Variants in PCED1B observed in about 807,000 individuals in gnomAD.
PCED1B encodes PC-esterase domain containing 1B.
For missense variants in PCED1B, 573 were observed against 573.9 expected (o/e 1.00, Z 0.02); for synonymous variants, 251 against 246.1 (o/e 1.02, Z -0.19).
At chr12:47,103,310 G>T (rs1938798425) in intron 1 of PCED1B, among the ~76,000 whole-genome samples, 1 of 152,140 alleles carries the variant, frequency 6.6e-6, no homozygotes, top group African/African-American at 2.4e-5. Flanking sequence ...TCTTGGAAGA[G>T]AACAGGGCAA....
chr12:47,114,305 A>G (rs1939327710), intron 2 of PCED1B, among the ~76,000 whole-genome samples: 1 of 152,228 alleles, frequency 6.6e-6, no homozygotes, highest in African/African-American at 2.4e-5. Context: ...GAGCCCACAT[A>G]GAAAGTAAGT....
intron 3 of PCED1B, among the ~76,000 whole-genome samples, chr12:47,228,387 T>G (rs2078851275): frequency 6.6e-6 from 1 of 152,062 alleles, no homozygotes; most frequent in African/African-American, 2.4e-5. Context: ...GAGATTAGGA[T>G]ATGGGATTAT....
At chr12:47,129,936 T>G (rs1940053375) in intron 2 of PCED1B, among the ~76,000 whole-genome samples, 1 of 152,266 alleles carries the variant, frequency 6.6e-6, no homozygotes, top group South Asian at 2.1e-4. Context: ...GCAGTGGTTT[T>G]CAAACTGTGC....
At chr12:47,226,910 G>A (rs910656985) in intron 3 of PCED1B, among the ~76,000 whole-genome samples, 1 of 151,872 alleles carries the variant, frequency 6.6e-6, no homozygotes, top group Non-Finnish European at 1.5e-5. Flanking sequence ...GGATGCTATC[G>A]ACATTTTTTT....
chr12:47,182,259 C>T (rs1942117902), intron 2 of PCED1B, among the ~76,000 whole-genome samples: 2 of 152,146 alleles, frequency 1.3e-5, no homozygotes, highest in South Asian at 4.1e-4. Flanking sequence ...CTGTGAGTCA[C>T]TGTAAGCAAT....
chr12:47,148,978 T>A (rs1419912913), intron 2 of PCED1B, among the ~76,000 whole-genome samples: 2 of 152,212 alleles, frequency 1.3e-5, no homozygotes. Context: ...CATTTTCCAC[T>A]GTCCTCATTC....
At chr12:47,164,869 T>C (rs1260960139) in intron 2 of PCED1B, among the ~76,000 whole-genome samples, 2 of 152,216 alleles carry the variant, frequency 1.3e-5, no homozygotes, top group African/African-American at 4.8e-5. Context: ...ATGTGGCTAG[T>C]TGAGTCACAA....
intron 3 of PCED1B, among the ~76,000 whole-genome samples, chr12:47,230,060 C>T (rs182917926): frequency 7.5e-5 from 11 of 147,142 alleles, no homozygotes; most frequent in African/African-American, 2.8e-4. Flanking sequence ...AGGCGTGAGC[C>T]ACTGCACTCA....
chr12:47,110,871 C>T lies in PCED1B; in HGVS notation c.-526+6676C>T, dbSNP rs754103883. Among the ~76,000 whole-genome samples the T allele has an allele frequency of 1.7e-3, 252 of 152,262 alleles. 1 individual carries two copies. The highest frequency in any genetic ancestry group is 3.4e-3 in the Middle Eastern group (1 of 294). On this transcript the variant is annotated intron_variant, in intron 2 of 3. Coordinates refer to ENST00000546455, the MANE Select transcript of PCED1B (RefSeq NM_138371.3). Reference sequence around the variant, plus strand: ...TGGTCCAACGTGAAGTTTGATGTCCCGCATCACAGTTGCAGGGAAACATGA... The same window carrying T: ...TGGTCCAACGTGAAGTTTGATGTCCTGCATCACAGTTGCAGGGAAACATGA...
chr12:47,194,753 C>T (rs1431354696), intron 2 of PCED1B, among the ~76,000 whole-genome samples: 1 of 152,084 alleles, frequency 6.6e-6, no homozygotes, highest in Admixed American at 6.6e-5. Context: ...AAGAACAGAC[C>T]TTAGATGGCA....
At chr12:47,199,759 A>C (rs2137700662) in intron 2 of PCED1B, among the ~76,000 whole-genome samples, 1 of 152,320 alleles carries the variant, frequency 6.6e-6, no homozygotes, top group South Asian at 2.1e-4. Context: ...AAAATATAAA[A>C]CTGCAAAACT....
chr12:47,135,438 G>A, intron 2 of PCED1B: 1 of 320,624 alleles, frequency 3.1e-6, no homozygotes, highest in Non-Finnish European at 6.3e-6. Context: ...GGAGTGCATG[G>A]GAGACAGGTT....
rs191225221 is a variant in PCED1B at position 47,168,655 on chromosome 12, C to A, written c.-525-47567C>A. The stretch of plus-strand genomic sequence containing the variant: ...AAGGCACTTAAAGCTACAAATATTC[C>A]TCTCATAGATTTCCATATGTCTTCT... On this transcript the variant is annotated intron_variant, in intron 2 of 3. Coordinates refer to ENST00000546455, the MANE Select transcript of PCED1B (RefSeq NM_138371.3). 1.1e-4 allele frequency among the ~76,000 whole-genome samples: 16 copies of A among 152,156 alleles called. No individual in the cohort carries two copies. The East Asian group carries it at 2.5e-3, about 24-fold the overall frequency.
At chr12:47,117,244 A>G (rs1448330943) in intron 2 of PCED1B, among the ~76,000 whole-genome samples, 3 of 152,182 alleles carry the variant, frequency 2.0e-5, no homozygotes, top group Non-Finnish European at 2.9e-5. Context: ...CATGTGCACA[A>G]TGTGCAGGTT....
At chr12:47,189,704 C>A (rs1413464287) in intron 2 of PCED1B, among the ~76,000 whole-genome samples, 1 of 152,174 alleles carries the variant, frequency 6.6e-6, no homozygotes, top group Non-Finnish European at 1.5e-5. Context: ...TGTTATATTA[C>A]CATCTCACAC....
At chr12:47,150,648 C>T (rs1940957017) in intron 2 of PCED1B, among the ~76,000 whole-genome samples, 1 of 151,534 alleles carries the variant, frequency 6.6e-6, no homozygotes, top group South Asian at 2.1e-4. Context: ...GGGGACTCAC[C>T]CATGTTGATA....
rs117046692 is a variant in PCED1B, at chr12:47,182,098, G to A, written c.-525-34124G>A. Among the ~76,000 whole-genome samples, 547 of 152,348 alleles carry A rather than the reference G, an allele frequency of 3.6e-3. 10 individuals carry two copies. The South Asian group carries it at 0.041, about 11-fold the overall frequency. On this transcript the variant is annotated intron_variant, in intron 2 of 3. Coordinates refer to ENST00000546455, the MANE Select transcript of PCED1B (RefSeq NM_138371.3). ...TCCAGTTAGAAATCCTAAAACTGAA[G>A]AGCACCAGTGAAACTTGAAGATGGT...
intron 2 of PCED1B, among the ~76,000 whole-genome samples, chr12:47,128,785 C>T (rs74083855): frequency 0.025 from 3,743 of 152,288 alleles, 145 homozygotes; most frequent in African/African-American, 0.083. Flanking sequence ...GCTGGCTTTA[C>T]ATGATATCTT....
chr12:47,123,039 G>A (rs764800969), intron 2 of PCED1B, among the ~76,000 whole-genome samples: 1 of 152,146 alleles, frequency 6.6e-6, no homozygotes, highest in Non-Finnish European at 1.5e-5. Context: ...AGCCTTTTAG[G>A]TTAGAACGAA....
Sources: allele counts gnomAD v4.1 joint callset (sites outside exome capture counted in the v4.1 genomes callset), GRCh38; gene constraint gnomAD v4.1.1; transcripts MANE v1.5; gene names NCBI Gene and HGNC (gene_info 2026-07-23, HGNC 2026-07-21).